Variants in SPTBN4 observed in about 807,000 individuals in gnomAD.
The protein encoded by SPTBN4 is spectrin beta, non-erythrocytic 4, also known as spectrin beta chain, non-erythrocytic 4.
Under a neutral mutation model 277.8 loss-of-function variants are expected in SPTBN4, and 96 were observed. The observed-to-expected ratio is 0.35, with a 90% CI of 0.29 to 0.41. The LOEUF (loss-of-function observed/expected upper bound fraction) is 0.41, where lower values mean the gene tolerates loss of function less well. Ranked by LOEUF, SPTBN4 falls within the 10% of genes least tolerant of loss-of-function variation. SPTBN4 has a pLI of 1.00. For missense variants in SPTBN4, 3,006 were observed against 3,595.7 expected, an observed-to-expected ratio of 0.84 and a Z score of 4.19; for synonymous variants, 1,481 against 1,580.3, an observed-to-expected ratio of 0.94 and a Z score of 1.49.
intron 20 of SPTBN4, among the ~76,000 whole-genome samples, chr19:40,541,109 C>T (rs887061433): frequency 2.8e-4 from 43 of 152,140 alleles, no homozygotes; most frequent in Non-Finnish European, 4.7e-4. Context: ...ATGCTACTGG[C>T]GAGCTTGACC....
intron 11 of SPTBN4, among the ~76,000 whole-genome samples, chr19:40,503,398 G>T (rs1261933870): frequency 6.6e-6 from 1 of 151,880 alleles, no homozygotes; most frequent in Non-Finnish European, 1.5e-5. Context: ...AGGGTAACTG[G>T]AGAGAGTGGG....
At chr19:40,566,127 T>C (rs769326887) in intron 29 of SPTBN4, 36 bp from the exon 30 acceptor site, 2 of 1,457,814 alleles carry the variant, frequency 1.4e-6, no homozygotes, top group African/African-American at 2.9e-5. Context: ...GGGCCCCAGA[T>C]GCCCCAGAAT....
rs1445736154 is a variant in SPTBN4 at position 40,576,012 on chromosome 19, G to A, written c.*443G>A. The stretch of plus-strand genomic sequence containing the variant: ...GACCATCCAGGGTGCTAGGGGGCAG[G>A]GAGGGGACACCCCCTCCCCGCCTTT... On this transcript the variant is annotated 3_prime_UTR_variant, in exon 36 of 36. Transcript: ENST00000598249. 1 of 153,574 alleles carries A rather than the reference G, an allele frequency of 6.5e-6. No individual in the cohort carries two copies. The highest frequency in any genetic ancestry group is 2.0e-4 in the East Asian group (1 of 5,084). 9.5% of individuals were successfully genotyped at this position (153,574 alleles called of 1,614,324 possible).
At chr19:40,473,246 C>T (rs948732916) in intron 2 of SPTBN4, among the ~76,000 whole-genome samples, 1 of 151,448 alleles carries the variant, frequency 6.6e-6, no homozygotes, top group Non-Finnish European at 1.5e-5. Context: ...CACCGGGTTT[C>T]ACTGTGTTTG....
In SPTBN4 at chr19:40,487,249, C is replaced by T. The variant is rs572686711; in HGVS notation, c.170-448C>T. 2.6e-5 allele frequency among the ~76,000 whole-genome samples: 4 copies of T among 152,004 alleles called. No individual in the cohort carries two copies. In the South Asian group the frequency reaches 8.3e-4, roughly 32 times the overall value. On this transcript the variant is annotated intron_variant, in intron 2 of 35. Transcript: ENST00000598249. ...TAGAGACAGGATTTCACCATATTGG[C>T]CAGGCTGGTCTTGAACTCCTGACTT...
In SPTBN4 at chr19:40,554,329, C is replaced by T; in HGVS notation, c.4857C>T (p.Ala1619=). 6.4e-7 allele frequency: 1 copy of T among 1,559,986 alleles called. No homozygotes were observed. The highest frequency in any genetic ancestry group is 1.7e-4 in the Middle Eastern group (1 of 5,904). The change falls in exon 23 of 36, where the codon GCC becomes GCT. Residue 1619 remains alanine (A), a synonymous_variant. Transcript: ENST00000598249. The surrounding 1 kb of genome is among the most constrained non-coding windows in gnomAD (Gnocchi z 5.7). ...AAERRQQVLD[A]AFQVEQYYFD... is the part of the protein sequence containing the mutation. ...AGCGACGGCAGCAGGTGCTGGACGC[C>T]GCCTTCCAGGTGGAGCAGTACTACT...
chr19:40,504,019 G>T lies in SPTBN4; in HGVS notation c.1552G>T (p.Ala518Ser). ...AQRDSVLRQW[A>S]LLTGLVGARR... ...GCGTGACAGCGTCCTGCGCCAGTGG[G>T]CCCTGCTAACTGGGCTTGTGGGTGC... is the stretch of plus-strand genomic sequence containing the variant. Residue 518 changes from alanine (A) to serine (S), a missense_variant, in exon 12 of 36, where the codon GCC becomes TCC. By Grantham distance (99) the Ala-to-Ser change is moderately conservative. Around this residue, in one of 5 missense-constraint regions of SPTBN4, gnomAD observed 1,759 missense variants for 2,061.5 expected, o/e 0.85. Coordinates refer to ENST00000598249, the MANE Select transcript of SPTBN4 (RefSeq NM_020971.3). The T allele has an allele frequency of 6.2e-7, 1 of 1,614,028 alleles. No individual in the cohort carries two copies. Among genetic ancestry groups the T allele is most frequent in the Non-Finnish European group, 8.5e-7 (1 of 1,179,994 alleles).
In SPTBN4 at chr19:40,504,062, A is replaced by G; in HGVS notation, c.1595A>G (p.Glu532Gly). 1 of 1,589,096 alleles carries G rather than the reference A, an allele frequency of 6.3e-7. No individual in the cohort carries two copies. The highest frequency in any genetic ancestry group is 8.6e-7 in the Non-Finnish European group (1 of 1,164,102). ...GTGGGTGCCCGGCGGACACGACTTGAGCAGAACCTTGCCCTGCAGAAGGTC... is the reference window on the plus strand; with the variant it reads ...GTGGGTGCCCGGCGGACACGACTTGGGCAGAACCTTGCCCTGCAGAAGGTC... ...GLVGARRTRL[E>G]QNLALQKVFQ... Residue 532 changes from glutamate to glycine, a missense_variant, in exon 12 of 36, where the codon GAG becomes GGG. Physicochemically the swap from Glu to Gly is moderately conservative, Grantham distance 98 (BLOSUM62 -2). Transcript: ENST00000598249.
At chr19:40,497,444 C>A in intron 6 of SPTBN4, 45 bp from the exon 7 acceptor site, 2 of 1,482,100 alleles carry the variant, frequency 1.3e-6, no homozygotes, top group Non-Finnish European at 1.9e-6. Flanking sequence ...TGCCCGCCGG[C>A]TCTGGAGCCT....
chr19:40,509,702 A>T (rs1367210357), intron 13 of SPTBN4, among the ~76,000 whole-genome samples: 1 of 152,088 alleles, frequency 6.6e-6, no homozygotes, highest in African/African-American at 2.4e-5. Flanking sequence ...CTCCATTAAG[A>T]TGTTCTCCTC....
At chr19:40,536,851 T>G (rs1415431642) in intron 20 of SPTBN4, among the ~76,000 whole-genome samples, 1 of 152,120 alleles carries the variant, frequency 6.6e-6, no homozygotes, top group Non-Finnish European at 1.5e-5. Context: ...AGTGGTGCAA[T>G]CACGGCTCAC....
chr19:40,538,321 G>GGAGGTTGCAGTGAGGC lies in SPTBN4; in HGVS notation c.4359+3979_4359+3994dup, dbSNP rs560065525. Among the ~76,000 whole-genome samples the GGAGGTTGCAGTGAGGC allele has an allele frequency of 2.8e-3, 398 of 140,286 alleles. 2 individuals carry two copies. Among genetic ancestry groups the GGAGGTTGCAGTGAGGC allele is most frequent in the Middle Eastern group, 6.9e-3 (2 of 288 alleles). 92.0% of individuals were successfully genotyped at this position (140,286 alleles called of 152,430 possible). A position where few individuals can be genotyped will look rare whatever the true frequency, so the allele number is the denominator to read the frequency against. ...TGAGAATCGCTTGAACTTGAGAGGC[G>GGAGGTTGCAGTGAGGC]GAGGTTGCAGTGAGGCAAGATTGCA... On this transcript the variant is annotated intron_variant, in intron 20 of 35. Coordinates refer to ENST00000598249, the MANE Select transcript of SPTBN4 (RefSeq NM_020971.3).
chr19:40,549,509 C>A, intron 21 of SPTBN4, 96 bp downstream of exon 21: 2 of 978,924 alleles, frequency 2.0e-6, no homozygotes, highest in Non-Finnish European at 2.8e-6. Flanking sequence ...ACGGCTGAGA[C>A]CCTCCCACTC....
chr19:40,507,510 A>C (rs1436535379), intron 13 of SPTBN4, among the ~76,000 whole-genome samples: 2 of 151,606 alleles, frequency 1.3e-5, no homozygotes, highest in Non-Finnish European at 2.9e-5. Context: ...TTTGGGCAAC[A>C]TAGTGAGACC....
chr19:40,562,701 G>A (rs2081055141), intron 27 of SPTBN4, among the ~76,000 whole-genome samples: 1 of 151,918 alleles, frequency 6.6e-6, no homozygotes, highest in Admixed American at 6.6e-5. Flanking sequence ...GGGTGTGGTG[G>A]CACATGCCTG....
chr19:40,536,077 C>T (rs1009484907), intron 20 of SPTBN4, among the ~76,000 whole-genome samples: 2 of 152,022 alleles, frequency 1.3e-5, no homozygotes, highest in Non-Finnish European at 2.9e-5. Flanking sequence ...CACGGTGATC[C>T]CATTCTGGTT....
At chr19:40,558,272 G>A (rs979378856) in intron 26 of SPTBN4, among the ~76,000 whole-genome samples, 9 of 150,154 alleles carry the variant, frequency 6.0e-5, no homozygotes, top group African/African-American at 9.8e-5. Context: ...CAGGAGAATC[G>A]CTTGAACCCG....
intron 20 of SPTBN4, among the ~76,000 whole-genome samples, chr19:40,538,619 C>T (rs941817784): frequency 2.0e-5 from 3 of 152,134 alleles, no homozygotes; most frequent in African/African-American, 2.4e-5. Context: ...GCAGTTTCTA[C>T]CTCTGTCACC....
intron 16 of SPTBN4, 95 bp from the exon 17 acceptor site, chr19:40,523,342 G>A: frequency 4.2e-6 from 5 of 1,204,534 alleles, no homozygotes; most frequent in Non-Finnish European, 5.8e-6. Flanking sequence ...ATGCTTGCAA[G>A]GTTGCGGGGA....
Sources: gnomAD v4.1 joint callset for allele counts (sites outside exome capture counted in the v4.1 genomes callset) on GRCh38, gnomAD v4.1.1 for gene constraint, gnomAD v4.1.1 regional missense constraint, Gnocchi (gnomAD v3.1) non-coding constraint, MANE v1.5 for transcripts, NCBI Gene and HGNC (gene_info 2026-07-23, HGNC 2026-07-21) for gene names.